The following DPP6 variants were observed in gnomAD, a reference collection of about 807,000 sequenced individuals.
DPP6 encodes A-type potassium channel modulatory protein DPP6.
Under a neutral mutation model 122.6 loss-of-function variants are expected in DPP6, and 69 were observed. The observed-to-expected ratio is 0.56, with a 90% CI of 0.46 to 0.69. The LOEUF (loss-of-function observed/expected upper bound fraction) is 0.69. Among genes scored for constraint, DPP6 ranks in the 30% least tolerant of loss-of-function variants. The pLI is 0.00. For missense variants in DPP6, 928 were observed against 1,116.9 expected (o/e 0.83, Z 2.41); for synonymous variants, 418 against 433.1 (o/e 0.97, Z 0.43).
chr7:154,156,744 T>A (rs1395067542), intron 1 of DPP6, among the ~76,000 whole-genome samples: 6 of 152,218 alleles, frequency 3.9e-5, no homozygotes, highest in Admixed American at 1.3e-4. Context: ...GATTTAGACC[T>A]TGAATTTAAT....
At chr7:153,931,530 G>GA (rs1191778093) in intron 1 of DPP6, among the ~76,000 whole-genome samples, 3 of 150,936 alleles carry the variant, frequency 2.0e-5, no homozygotes, top group Admixed American at 1.3e-4. Context: ...GTTCCTTACA[G>GA]AAAAAACAAA....
intron 1 of DPP6, among the ~76,000 whole-genome samples, chr7:154,120,009 C>T (rs895103341): frequency 4.6e-5 from 7 of 151,934 alleles, no homozygotes; most frequent in African/African-American, 1.7e-4. Context: ...ACTCGACAGA[C>T]CTTTACTTCC....
intron 5 of DPP6, among the ~76,000 whole-genome samples, chr7:154,620,039 C>T (rs1834533997): frequency 6.6e-6 from 1 of 152,222 alleles, no homozygotes; most frequent in Non-Finnish European, 1.5e-5. Flanking sequence ...GGAATCCGCA[C>T]ATTTCACAAG....
chr7:154,732,060 A>T (rs1362598617), intron 8 of DPP6, among the ~76,000 whole-genome samples: 1 of 150,182 alleles, frequency 6.7e-6, no homozygotes, highest in African/African-American at 2.5e-5. Flanking sequence ...TTTTTTTGAG[A>T]TGGAGTCTTG....
intron 1 of DPP6, among the ~76,000 whole-genome samples, chr7:154,206,429 C>T (rs978195827): frequency 6.6e-6 from 1 of 152,184 alleles, no homozygotes; most frequent in Non-Finnish European, 1.5e-5. Context: ...GCCTTAAATT[C>T]CTGTCCTTGA....
intron 1 of DPP6, among the ~76,000 whole-genome samples, chr7:154,445,787 AAAAG>A (rs1449473095): frequency 6.6e-6 from 1 of 152,226 alleles, no homozygotes; most frequent in East Asian, 1.9e-4. Context: ...TAAAAAAAAA[AAAAG>A]GGAATGATGA....
intron 1 of DPP6, among the ~76,000 whole-genome samples, chr7:154,023,318 G>GCACGCGCGCACACACACACACACA (rs373378162): frequency 7.7e-6 from 1 of 129,526 alleles, no homozygotes; most frequent in African/African-American, 3.2e-5. Flanking sequence ...TTTCTTGTCT[G>GCACGCGCGCACACACACACACACA]CACACACACA....
chr7:153,977,630 C>T (rs1280916536), intron 1 of DPP6, among the ~76,000 whole-genome samples: 1 of 152,092 alleles, frequency 6.6e-6, no homozygotes, highest in African/African-American at 2.4e-5. Context: ...TGTAGGTATA[C>T]ATGTGCCATG....
intron 1 of DPP6, among the ~76,000 whole-genome samples, chr7:154,439,964 G>A (rs574227173): frequency 9.2e-5 from 14 of 152,274 alleles, no homozygotes; most frequent in East Asian, 5.8e-4. Context: ...GCAGTGAGAC[G>A]TCCCTTCTCC....
intron 5 of DPP6, among the ~76,000 whole-genome samples, chr7:154,616,926 C>G (rs1029369793): frequency 6.6e-6 from 1 of 152,188 alleles, no homozygotes; most frequent in Non-Finnish European, 1.5e-5. Flanking sequence ...AAAGAAAAAA[C>G]AACAGCTGCA....
At chr7:154,568,576 C>T (rs1325555969) in intron 5 of DPP6, among the ~76,000 whole-genome samples, 1 of 152,170 alleles carries the variant, frequency 6.6e-6, no homozygotes, top group South Asian at 2.1e-4. Context: ...ATACAATTCT[C>T]CACCACTTTC....
At chr7:154,470,519 A>C (rs1047409786) in intron 2 of DPP6, among the ~76,000 whole-genome samples, 4 of 152,156 alleles carry the variant, frequency 2.6e-5, no homozygotes, top group African/African-American at 9.7e-5. Context: ...GATGGGATTT[A>C]TTTCTAGTTT....
At chr7:154,078,025 A>T (rs373726462) in intron 1 of DPP6, among the ~76,000 whole-genome samples, 2 of 152,310 alleles carry the variant, frequency 1.3e-5, no homozygotes, top group African/African-American at 2.4e-5. Flanking sequence ...CCCTGGCTGT[A>T]CAAGTATCCT....
intron 1 of DPP6, among the ~76,000 whole-genome samples, chr7:153,980,017 G>T (rs1004647170): frequency 2.0e-5 from 3 of 152,104 alleles, no homozygotes; most frequent in Non-Finnish European, 2.9e-5. Context: ...TTTTTTAGTT[G>T]TGTCTCTGCT....
chr7:154,758,120 C>T (rs1277866054), intron 8 of DPP6, among the ~76,000 whole-genome samples: 2 of 152,244 alleles, frequency 1.3e-5, no homozygotes, highest in African/African-American at 4.8e-5. Context: ...TGCCTGTGCC[C>T]TGTCCTGGGA....
At chr7:154,380,228 G>C (rs944052381) in intron 1 of DPP6, among the ~76,000 whole-genome samples, 1 of 152,200 alleles carries the variant, frequency 6.6e-6, no homozygotes, top group African/African-American at 2.4e-5. Flanking sequence ...TGGTAAAAGA[G>C]GGGTAAGAGT....
chr7:154,358,035 A>G (rs1265180372), intron 1 of DPP6, among the ~76,000 whole-genome samples: 1 of 152,156 alleles, frequency 6.6e-6, no homozygotes, highest in East Asian at 1.9e-4. Context: ...CCTCAAATAG[A>G]GACAAACTTA....
chr7:153,836,078 A>G, the DPP6 span, among the ~76,000 whole-genome samples: 1 of 152,220 alleles, frequency 6.6e-6, no homozygotes, highest in African/African-American at 2.4e-5. Flanking sequence ...CCTCTTCCTT[A>G]TCTGATCTCC....
intron 6 of DPP6, among the ~76,000 whole-genome samples, chr7:154,664,655 C>CT (rs59357287): frequency 4.5e-3 from 573 of 127,096 alleles, no homozygotes; most frequent in African/African-American, 9.9e-3. Context: ...ATATGGAATT[C>CT]TTTTTTTTTT....
Sources: allele counts gnomAD v4.1 joint callset (sites outside exome capture counted in the v4.1 genomes callset), GRCh38; gene constraint gnomAD v4.1.1; transcripts MANE v1.5; gene names NCBI Gene and HGNC (gene_info 2026-07-23, HGNC 2026-07-21).